The following ZMAT5 variants were observed in gnomAD, a reference collection of about 807,000 sequenced individuals.
ZMAT5 encodes the protein zinc finger matrin-type protein 5.
In ZMAT5, 23 loss-of-function variants were observed where a neutral mutation model predicts 28.0. That is an observed-to-expected ratio of 0.82 (90% CI 0.59 to 1.16). ZMAT5 has a LOEUF of 1.16. ZMAT5 is among the 50% of genes most tolerant of loss of function. The pLI is 0.00. For synonymous variants in ZMAT5, 76 were observed against 84.1 expected, an observed-to-expected ratio of 0.90 and a Z score of 0.52; for missense variants, 173 against 212.7, an observed-to-expected ratio of 0.81 and a Z score of 1.16.
intron 1 of ZMAT5, among the ~76,000 whole-genome samples, chr22:29,760,278 C>T (rs2068144175): frequency 6.6e-6 from 1 of 150,850 alleles, no homozygotes; most frequent in African/African-American, 2.4e-5. Context: ...GAGGCTGAGG[C>T]AGGAGAATCG....
At chr22:29,746,670 G>GA (rs1184826859) in intron 2 of ZMAT5, 2 of 152,322 alleles carry the variant, frequency 1.3e-5, no homozygotes, top group Non-Finnish European at 2.9e-5. Context: ...TCTAAGGACT[G>GA]AATGTGTTGG....
chr22:29,736,902 C>T (rs2067910591), intron 5 of ZMAT5, among the ~76,000 whole-genome samples: 1 of 151,664 alleles, frequency 6.6e-6, no homozygotes, highest in Non-Finnish European at 1.5e-5. Flanking sequence ...TGGCGGGTGC[C>T]TGTAGTCCCA....
intron 2 of ZMAT5, among the ~76,000 whole-genome samples, chr22:29,744,639 A>G (rs549250151): frequency 1.6e-4 from 24 of 152,222 alleles, no homozygotes; most frequent in African/African-American, 5.5e-4. Flanking sequence ...GGTCCTATAC[A>G]AGGGGCTGTG....
chr22:29,740,610 C>T, intron 4 of ZMAT5, 40 bp downstream of exon 4: 1 of 1,555,100 alleles, frequency 6.4e-7, no homozygotes, highest in Non-Finnish European at 8.7e-7. Flanking sequence ...CATGCCCCAG[C>T]ACCCCACTCC....
intron 1 of ZMAT5, among the ~76,000 whole-genome samples, chr22:29,759,607 A>C (rs1601730659): frequency 1.3e-5 from 2 of 151,954 alleles, no homozygotes; most frequent in African/African-American, 4.8e-5. Flanking sequence ...TCTAAAAAAA[A>C]ATTTTTTTTT....
At chr22:29,762,791 T>C (rs1363257130) in intron 1 of ZMAT5, among the ~76,000 whole-genome samples, 2 of 152,226 alleles carry the variant, frequency 1.3e-5, no homozygotes, top group Non-Finnish European at 2.9e-5. Flanking sequence ...CCCCCTCCTG[T>C]ATCCCGTCCA....
At chr22:29,750,160 G>T (rs78393351) in intron 1 of ZMAT5, among the ~76,000 whole-genome samples, 9,029 of 152,282 alleles carry the variant, frequency 0.059, 309 homozygotes, top group Middle Eastern at 0.1. Context: ...AGGCATTGAA[G>T]TACTTGTTAA....
In ZMAT5 at chr22:29,740,509, C is replaced by T. The variant is rs2067951062; in HGVS notation, c.271+141G>A. ...CCTAACACCTGGCCCAAACCGGGGGCTCAGGGCTCCGCATCACCCTGGGTG... is the reference window on the plus strand; with the variant it reads ...CCTAACACCTGGCCCAAACCGGGGGTTCAGGGCTCCGCATCACCCTGGGTG... On this transcript the variant is annotated intron_variant, in intron 4 of 5. Transcript: ENST00000344318. 3 of 833,336 alleles carry T rather than the reference C, an allele frequency of 3.6e-6. No homozygotes were observed. In the African/African-American group the frequency reaches 5.1e-5, roughly 14 times the overall value. The allele number at this position is 833,336 out of a possible 1,614,324, so 51.6% of individuals were successfully genotyped here. A position where few individuals can be genotyped will look rare whatever the true frequency, so the allele number is the denominator to read the frequency against.
intron 5 of ZMAT5, among the ~76,000 whole-genome samples, chr22:29,734,250 C>A (rs536727592): frequency 8.5e-5 from 13 of 152,338 alleles, no homozygotes; most frequent in African/African-American, 3.1e-4. Context: ...GGGATAAGAG[C>A]TATGCCACCA....
At chr22:29,733,976 C>G (rs1014314816) in intron 5 of ZMAT5, among the ~76,000 whole-genome samples, 4 of 152,324 alleles carry the variant, frequency 2.6e-5, no homozygotes, top group African/African-American at 9.6e-5. Context: ...ACCTGTTTGT[C>G]CTGTGCGTGA....
At chr22:29,758,599 G>C (rs1373588365) in intron 1 of ZMAT5, among the ~76,000 whole-genome samples, 1 of 152,102 alleles carries the variant, frequency 6.6e-6, no homozygotes, top group Admixed American at 6.6e-5. Flanking sequence ...CTCCAGCCTG[G>C]GTGGCAGAGC....
intron 5 of ZMAT5, among the ~76,000 whole-genome samples, chr22:29,733,482 G>A (rs1255737003): frequency 6.6e-6 from 1 of 152,230 alleles, no homozygotes; most frequent in Non-Finnish European, 1.5e-5. Context: ...GGACCCCCAG[G>A]TGTGAGAGGA....
chr22:29,745,800 A>G (rs1415066868), intron 2 of ZMAT5, among the ~76,000 whole-genome samples: 1 of 152,234 alleles, frequency 6.6e-6, no homozygotes, highest in Non-Finnish European at 1.5e-5. Context: ...GCTGGGAGCA[A>G]AGCTGAAGTC....
chr22:29,731,537 C>A (rs1837695297), intron 5 of ZMAT5, 183 bp from the exon 6 acceptor site: 5 of 688,874 alleles, frequency 7.3e-6, no homozygotes, highest in Non-Finnish European at 1.1e-5. Flanking sequence ...CCTCTAGGAA[C>A]TGAGCCCAAG....
Position 29,731,087 on chromosome 22 carries a change from G to A in ZMAT5, c.*138C>T, listed in dbSNP as rs1006508869. The stretch of plus-strand genomic sequence containing the variant: ...ACCCAGGACGAGGGCTGCACTTGGT[G>A]TGGCCGTGTCCTGAGCCTCAGTGAG... On this transcript the variant is annotated 3_prime_UTR_variant, in exon 6 of 6. Coordinates refer to ENST00000344318, the MANE Select transcript of ZMAT5 (RefSeq NM_001003692.2). 4.3e-5 allele frequency: 40 copies of A among 927,274 alleles called. No individual in the cohort carries two copies. In the Admixed American group the frequency reaches 8.3e-4, roughly 19 times the overall value. 57.4% of individuals were successfully genotyped at this position (927,274 alleles called of 1,614,324 possible).
intron 1 of ZMAT5, among the ~76,000 whole-genome samples, chr22:29,758,283 C>T (rs2068122682): frequency 6.6e-6 from 1 of 152,198 alleles, no homozygotes; most frequent in Admixed American, 6.5e-5. Flanking sequence ...AAGCAGCGCC[C>T]AGATTCCTGA....
chr22:29,748,118 T>G (rs942491229), intron 2 of ZMAT5: 3 of 410,546 alleles, frequency 7.3e-6, no homozygotes, highest in East Asian at 1.1e-4. Context: ...GGCTGCCTGC[T>G]TCTCTTCACA....
intron 1 of ZMAT5, among the ~76,000 whole-genome samples, chr22:29,755,155 C>A (rs914188137): frequency 1.3e-5 from 2 of 151,804 alleles, no homozygotes; most frequent in Non-Finnish European, 2.9e-5. Context: ...ATTAGCCAGG[C>A]GTGGTGGCAC....
chr22:29,760,498 C>T (rs1196446030), intron 1 of ZMAT5, among the ~76,000 whole-genome samples: 1 of 152,072 alleles, frequency 6.6e-6, no homozygotes, highest in Non-Finnish European at 1.5e-5. Flanking sequence ...CAGATTGTGC[C>T]ACTGTATTCC....
Sources: allele counts gnomAD v4.1 joint callset (sites outside exome capture counted in the v4.1 genomes callset), GRCh38; gene constraint gnomAD v4.1.1; transcripts MANE v1.5; gene names NCBI Gene and HGNC (gene_info 2026-07-23, HGNC 2026-07-21).